The following MAT2A variants were observed in gnomAD, a reference collection of about 807,000 sequenced individuals.
The protein encoded by MAT2A is methionine adenosyltransferase 2A.
MAT2A carries 3 observed loss-of-function variants against 43.9 expected under a neutral mutation model. The observed-to-expected ratio is 0.07, with a 90% CI of 0.03 to 0.18. The LOEUF (loss-of-function observed/expected upper bound fraction) is 0.18. Ranked by LOEUF, MAT2A falls within the 10% of genes least tolerant of loss-of-function variation. The pLI, the probability that MAT2A is intolerant of heterozygous loss-of-function variation, is 1.00. For synonymous variants in MAT2A, 200 were observed against 168.4 expected (o/e 1.19, Z -1.45); for missense variants, 204 against 489.0 (o/e 0.42, Z 5.50).
At chr2:85,542,133 G>C in intron 5 of MAT2A, 22 bp from the exon 6 acceptor site, 1 of 1,602,454 alleles carries the variant, frequency 6.2e-7, no homozygotes, top group Non-Finnish European at 8.6e-7. Context: ...GTGATGTTCT[G>C]ATGACCTGTG....
chr2:85,543,726 G>GT lies in MAT2A; in HGVS notation c.1143dup (p.Arg382Ter). On this transcript the variant is annotated frameshift_variant, in exon 9 of 9. Coordinates refer to ENST00000306434, the MANE Select transcript of MAT2A (RefSeq NM_005911.6). LOFTEE classifies it high-confidence loss of function. Reference sequence around the variant, plus strand: ...AGGACTGCAGCCTATGGCCACTTTGGTAGGGACAGCTTCCCATGGGAAGTG... The same window carrying GT: ...AGGACTGCAGCCTATGGCCACTTTGGTTAGGGACAGCTTCCCATGGGAAGTG... 6.2e-7 allele frequency: 1 copy of GT among 1,612,790 alleles called. No homozygotes were observed. Among genetic ancestry groups the GT allele is most frequent in the Non-Finnish European group, 8.5e-7 (1 of 1,179,338 alleles).
intron 6 of MAT2A, 75 bp from the exon 7 acceptor site, chr2:85,542,490 A>T: frequency 6.5e-7 from 1 of 1,544,994 alleles, no homozygotes; most frequent in Non-Finnish European, 8.9e-7. Context: ...ATATTTGCTG[A>T]ATGAATTCAG....
At position 85,539,353 on chromosome 2, in the gene MAT2A, A is replaced by C. The variant is rs752605763; in HGVS notation, c.66A>C (p.Ser22=). The change falls in exon 1 of 9, where the codon TCA becomes TCC. Residue 22 remains serine (S), a synonymous_variant. Coordinates refer to ENST00000306434, the MANE Select transcript of MAT2A (RefSeq NM_005911.6). The part of the protein sequence containing the change: ...FIEEGTFLFT[S]ESVGEGHPDK... The stretch of plus-strand genomic sequence containing the variant: ...AGGAGGGCACATTCCTTTTCACCTC[A>C]GAGTCGGTCGGGGAAGGCCACCCAG... 11 of 1,604,168 alleles carry C rather than the reference A, an allele frequency of 6.9e-6. No homozygotes were observed. The Admixed American group carries it at 1.0e-4, about 15-fold the overall frequency.
In MAT2A at chr2:85,541,886, G is replaced by A. The variant is rs1330952944; in HGVS notation, c.463G>A (p.Val155Ile). 6.2e-7 allele frequency: 1 copy of A among 1,614,078 alleles called. No homozygotes were observed. The highest frequency in any genetic ancestry group is 8.5e-7 in the Non-Finnish European group (1 of 1,180,034). ...ETEECMPLTI[V>I]LAHKLNAKLA... ...TGAGGAGTGTATGCCTTTAACCATT[G>A]TCTTGGCACACAAGCTAAATGCCAA... The change falls in exon 5 of 9, where the codon GTC becomes ATC. Residue 155 changes from valine (V) to isoleucine (I), a missense_variant. Coordinates refer to ENST00000306434, the MANE Select transcript of MAT2A (RefSeq NM_005911.6).
In MAT2A at chr2:85,545,191, G is replaced by C. The variant is rs1345531861; in HGVS notation, c.*1419G>C. ...GCCCTAAGCAGAAAGTGCCTTTCAGGATCTATTTTTGGAGGTTTATTACGT... is the reference window on the plus strand; with the variant it reads ...GCCCTAAGCAGAAAGTGCCTTTCAGCATCTATTTTTGGAGGTTTATTACGT... On this transcript the variant is annotated 3_prime_UTR_variant, in exon 9 of 9. Transcript: ENST00000306434. 1.3e-5 allele frequency: 2 copies of C among 152,540 alleles called. No homozygotes were observed. The highest frequency in any genetic ancestry group is 4.1e-4 in the South Asian group (2 of 4,834). 9.4% of individuals were successfully genotyped at this position (152,540 alleles called of 1,614,324 possible).
At chr2:85,543,181 CT>C in intron 8 of MAT2A, 147 bp downstream of exon 8, 1 of 869,850 alleles carries the variant, frequency 1.1e-6, no homozygotes, top group Non-Finnish European at 1.7e-6. Context: ...GAACTGCTGC[CT>C]TAGTGAAGAC....
chr2:85,542,085 C>T lies in MAT2A; in HGVS notation c.550-70C>T, dbSNP rs1475390329. The T allele has an allele frequency of 4.4e-6, 7 of 1,581,734 alleles. No homozygotes were observed. In the African/African-American group the frequency reaches 8.1e-5, roughly 18 times the overall value. On this transcript the variant is annotated intron_variant, in intron 5 of 8. Coordinates refer to ENST00000306434, the MANE Select transcript of MAT2A (RefSeq NM_005911.6). Reference sequence around the variant, plus strand: ...TAGCATTTGTTTTCCTATATTGTAACTTCAGGTAGAGAAACAAATACAAAG... The same window carrying T: ...TAGCATTTGTTTTCCTATATTGTAATTTCAGGTAGAGAAACAAATACAAAG...
rs1691462354 is a variant in MAT2A, at chr2:85,540,962, T to G, written c.92-121T>G. On this transcript the variant is annotated intron_variant, in intron 1 of 8. Transcript: ENST00000306434. The stretch of plus-strand genomic sequence containing the variant: ...GCAAACACAATGAATTAAGATGTAT[T>G]AAGCATGTTTTTTAAAATCTCCAAA... The G allele has an allele frequency of 6.0e-6, 4 of 666,956 alleles. No individual in the cohort carries two copies. The South Asian group carries it at 7.7e-5, about 13-fold the overall frequency. The allele number at this position is 666,956 out of a possible 1,614,324, so 41.3% of individuals were successfully genotyped here.
In MAT2A at chr2:85,542,466, T is replaced by G. The variant is rs547199119; in HGVS notation, c.768+93T>G. ...TTTCAGGCTTTCTGAAACCTACATG[T>G]GAATCATCGGAGGATATTTGCTGAA... On this transcript the variant is annotated intron_variant, in intron 6 of 8. Coordinates refer to ENST00000306434, the MANE Select transcript of MAT2A (RefSeq NM_005911.6). 13 of 1,529,062 alleles carry G rather than the reference T, an allele frequency of 8.5e-6. No individual in the cohort carries two copies. In the South Asian group the frequency reaches 1.2e-4, roughly 15 times the overall value. 94.7% of individuals were successfully genotyped at this position (1,529,062 alleles called of 1,614,324 possible). A position where few individuals can be genotyped will look rare whatever the true frequency, so the allele number is the denominator to read the frequency against.
chr2:85,539,529 G>C (rs372084028), intron 1 of MAT2A, 151 bp downstream of exon 1: 2 of 522,884 alleles, frequency 3.8e-6, no homozygotes, highest in African/African-American at 4.1e-5. Flanking sequence ...TCCTCGTGGC[G>C]CCGCCAGGGC....
Position 85,539,319 on chromosome 2 carries a change from C to A in MAT2A, c.32C>A (p.Ala11Glu). The A allele has an allele frequency of 6.2e-7, 1 of 1,606,192 alleles. No individual in the cohort carries two copies. Among genetic ancestry groups the A allele is most frequent in the Non-Finnish European group, 8.5e-7 (1 of 1,176,838 alleles). MNGQLNGFHE[A>E]FIEEGTFLFT... ...GGACAGCTCAACGGCTTCCACGAGG[C>A]GTTCATCGAGGAGGGCACATTCCTT... Residue 11 changes from alanine to glutamate, a missense_variant, in exon 1 of 9, where the codon GCG (alanine) becomes GAG (glutamate). This residue lies in a region of MAT2A where 36 missense variants were observed against 24.2 expected (regional missense o/e 1.49). Coordinates refer to ENST00000306434, the MANE Select transcript of MAT2A (RefSeq NM_005911.6).
intron 8 of MAT2A, chr2:85,543,377 G>T (rs781056505): frequency 1.1e-4 from 45 of 420,194 alleles, no homozygotes; most frequent in Non-Finnish European, 1.8e-4. Flanking sequence ...TGGGCGGCGG[G>T]ACCTTGGTAA....
At chr2:85,542,812 CTACT>C in intron 7 of MAT2A, 65 bp downstream of exon 7, 1 of 1,519,616 alleles carries the variant, frequency 6.6e-7, no homozygotes, top group Non-Finnish European at 9.0e-7. Context: ...TAGTAGTAAT[CTACT>C]TAACTACTTG....
At chr2:85,540,310 C>G (rs1691440421) in intron 1 of MAT2A, among the ~76,000 whole-genome samples, 1 of 152,144 alleles carries the variant, frequency 6.6e-6, no homozygotes, top group Non-Finnish European at 1.5e-5. Flanking sequence ...CAGTAGTTAT[C>G]TATCTGGTGG....
At chr2:85,541,206 AATT>A (rs781447852) in intron 2 of MAT2A, 46 bp downstream of exon 2, 7 of 1,612,192 alleles carry the variant, frequency 4.3e-6, no homozygotes, top group Middle Eastern at 1.7e-4. Context: ...ATAGCATAAA[AATT>A]ATTTTTATAG....
At chr2:85,543,216 T>C (rs1691523261) in intron 8 of MAT2A, 182 bp downstream of exon 8, 1 of 651,104 alleles carries the variant, frequency 1.5e-6, no homozygotes, top group Admixed American at 3.2e-5. Context: ...AAATTTAAAA[T>C]TACGGTGCTC....
In MAT2A at chr2:85,542,355, T is replaced by C; in HGVS notation, c.750T>C (p.Phe250=). The C allele has an allele frequency of 6.2e-7, 1 of 1,614,132 alleles. No individual in the cohort carries two copies. The highest frequency in any genetic ancestry group is 8.5e-7 in the Non-Finnish European group (1 of 1,179,984). Residue 250 remains phenylalanine (F), a synonymous_variant, in exon 6 of 9, where the codon TTT becomes TTC. Coordinates refer to ENST00000306434, the MANE Select transcript of MAT2A (RefSeq NM_005911.6). ...ACCACCTACAGCCAAGTGGCAGATT[T>C]GTTATTGGTGGGCCTCAGGTAATGT... ...TIYHLQPSGR[F]VIGGPQGDAG...
Position 85,544,650 on chromosome 2 carries a change from G to GT in MAT2A, c.*879dup, listed in dbSNP as rs1290796235. On this transcript the variant is annotated 3_prime_UTR_variant, in exon 9 of 9. Coordinates refer to ENST00000306434, the MANE Select transcript of MAT2A (RefSeq NM_005911.6). ...GAGGGTCTGTAGGTTGCACACTTTG[G>GT]TACCAGATAACTTTTTTTTTTCTTT... is the stretch of plus-strand genomic sequence containing the variant. 1 of 152,472 alleles carries GT rather than the reference G, an allele frequency of 6.6e-6. No homozygotes were observed. The highest frequency in any genetic ancestry group is 1.5e-5 in the Non-Finnish European group (1 of 68,016). 9.4% of individuals were successfully genotyped at this position (152,472 alleles called of 1,614,324 possible). A position where few individuals can be genotyped will look rare whatever the true frequency, so the allele number is the denominator to read the frequency against.
intron 3 of MAT2A, 38 bp from the exon 4 acceptor site, chr2:85,541,595 C>G (rs1348817): frequency 2.0e-6 from 3 of 1,491,718 alleles, no homozygotes; most frequent in African/African-American, 2.8e-5. Context: ...GCAGGTATTT[C>G]TAGGACGTAA....
Sources: allele counts gnomAD v4.1 joint callset (sites outside exome capture counted in the v4.1 genomes callset), GRCh38; gene constraint gnomAD v4.1.1; regional missense constraint gnomAD v4.1.1; transcripts MANE v1.5; gene names NCBI Gene and HGNC (gene_info 2026-07-23, HGNC 2026-07-21).